Variants in ADAMTS3 observed in about 807,000 individuals in gnomAD.
ADAMTS3 encodes A disintegrin and metalloproteinase with thrombospondin motifs 3.
Under a neutral mutation model 129.0 loss-of-function variants are expected in ADAMTS3, and 73 were observed. The ratio of observed to expected loss-of-function variants is 0.57; its 90% CI spans 0.47 to 0.69. The LOEUF (loss-of-function observed/expected upper bound fraction) is 0.69, where lower values mean the gene tolerates loss of function less well. ADAMTS3 is among the 30% of genes least tolerant of loss of function. The pLI is 0.00. For synonymous variants in ADAMTS3, 477 were observed against 510.8 expected (o/e 0.93, Z 0.89); for missense variants, 1,457 against 1,514.5 (o/e 0.96, Z 0.63).
At chr4:72,347,060 C>T (rs971246140) in intron 4 of ADAMTS3, among the ~76,000 whole-genome samples, 2 of 152,034 alleles carry the variant, frequency 1.3e-5, no homozygotes, top group African/African-American at 4.8e-5. Flanking sequence ...AAGCTGGAAA[C>T]TGGAGGAATA....
chr4:72,466,381 T>G (rs1292713288), intron 3 of ADAMTS3, among the ~76,000 whole-genome samples: 1 of 152,082 alleles, frequency 6.6e-6, no homozygotes, highest in African/African-American at 2.4e-5. Flanking sequence ...TGGATAGTTC[T>G]GAGCAGAAAA....
At chr4:72,438,118 C>T (rs1275081621) in intron 3 of ADAMTS3, among the ~76,000 whole-genome samples, 1 of 151,584 alleles carries the variant, frequency 6.6e-6, no homozygotes, top group African/African-American at 2.4e-5. Context: ...AATTAGGGCA[C>T]AGGGAAAGCA....
intron 4 of ADAMTS3, among the ~76,000 whole-genome samples, chr4:72,372,317 A>G (rs1013129026): frequency 2.6e-5 from 4 of 152,158 alleles, no homozygotes; most frequent in African/African-American, 7.2e-5. Flanking sequence ...TGGGAAGAAT[A>G]ATACTATATT....
intron 4 of ADAMTS3, among the ~76,000 whole-genome samples, chr4:72,357,490 T>C (rs1376447490): frequency 5.3e-5 from 8 of 151,882 alleles, no homozygotes; most frequent in African/African-American, 1.9e-4. Flanking sequence ...CTCATAGATA[T>C]AATGTTAAGT....
intron 3 of ADAMTS3, among the ~76,000 whole-genome samples, chr4:72,425,551 T>C (rs1271520314): frequency 6.6e-6 from 1 of 152,190 alleles, no homozygotes; most frequent in Non-Finnish European, 1.5e-5. Flanking sequence ...GTTCTCATTG[T>C]TCAATTCCCA....
At chr4:72,464,947 C>T (rs999639584) in intron 3 of ADAMTS3, among the ~76,000 whole-genome samples, 1 of 152,006 alleles carries the variant, frequency 6.6e-6, no homozygotes, top group Admixed American at 6.6e-5. Flanking sequence ...ATCCTCTGAG[C>T]ATTGGGCTTC....
At chr4:72,482,078 T>A (rs749806379) in intron 3 of ADAMTS3, among the ~76,000 whole-genome samples, 14 of 152,098 alleles carry the variant, frequency 9.2e-5, no homozygotes, top group Non-Finnish European at 1.9e-4. Context: ...ACAACCACTC[T>A]GCATTAACAG....
intron 3 of ADAMTS3, among the ~76,000 whole-genome samples, chr4:72,436,713 G>T (rs1205665837): frequency 6.6e-6 from 1 of 152,002 alleles, no homozygotes; most frequent in Non-Finnish European, 1.5e-5. Context: ...ATAGGGACAT[G>T]GATAAAGCTA....
intron 4 of ADAMTS3, among the ~76,000 whole-genome samples, chr4:72,389,419 G>A (rs1256094482): frequency 6.6e-6 from 1 of 151,362 alleles, no homozygotes. Context: ...AACAAACATG[G>A]AAAAATATTG....
chr4:72,513,294 C>A (rs560020506), intron 3 of ADAMTS3, among the ~76,000 whole-genome samples: 1 of 152,286 alleles, frequency 6.6e-6, no homozygotes, highest in South Asian at 2.1e-4. Flanking sequence ...TACACACACT[C>A]CTTTCTTCCC....
At chr4:72,530,467 A>G (rs1720984923) in intron 3 of ADAMTS3, among the ~76,000 whole-genome samples, 1 of 26,308 alleles carries the variant, frequency 3.8e-5, no homozygotes, top group Non-Finnish European at 6.1e-5. Flanking sequence ...TATTAAATAT[A>G]TTAATTTAAT....
At chr4:72,394,633 C>A (rs1396394193) in intron 4 of ADAMTS3, among the ~76,000 whole-genome samples, 1 of 152,118 alleles carries the variant, frequency 6.6e-6, no homozygotes, top group African/African-American at 2.4e-5. Context: ...AGTATTCTAC[C>A]GATTGAGGGG....
Position 72,568,771 on chromosome 4 carries a change from G to C in ADAMTS3, c.-9C>G. The stretch of plus-strand genomic sequence containing the variant: ...AGTGACAGGAGAACCATCACGAGTC[G>C]AGTTCACTTTCCAACTACTGGGCAA... On this transcript the variant is annotated 5_prime_UTR_variant, in exon 1 of 22. Transcript: ENST00000286657. 6.2e-7 allele frequency: 1 copy of C among 1,612,438 alleles called. No homozygotes were observed. The highest frequency in any genetic ancestry group is 8.5e-7 in the Non-Finnish European group (1 of 1,179,264).
intron 4 of ADAMTS3, among the ~76,000 whole-genome samples, chr4:72,360,263 C>G (rs1233482349): frequency 6.6e-6 from 1 of 152,000 alleles, no homozygotes; most frequent in Non-Finnish European, 1.5e-5. Flanking sequence ...TGTGACCTGA[C>G]AGGGGCAGTG....
chr4:72,345,465 C>T (rs1257787345), intron 4 of ADAMTS3, among the ~76,000 whole-genome samples: 2 of 152,200 alleles, frequency 1.3e-5, no homozygotes, highest in East Asian at 3.9e-4. Context: ...GATACAGTAA[C>T]AGCATCTCCA....
intron 4 of ADAMTS3, among the ~76,000 whole-genome samples, chr4:72,358,710 GA>G (rs1301625828): frequency 5.4e-4 from 82 of 151,896 alleles, no homozygotes; most frequent in Non-Finnish European, 4.4e-5. Flanking sequence ...ATCAAAGAAG[GA>G]AAGTAGCTAA....
At chr4:72,429,348 C>A (rs985304677) in intron 3 of ADAMTS3, among the ~76,000 whole-genome samples, 5 of 151,974 alleles carry the variant, frequency 3.3e-5, no homozygotes, top group Admixed American at 6.6e-5. Flanking sequence ...TAGAATAACT[C>A]AAGGTGTCTT....
At chr4:72,375,847 G>A (rs1721120892) in intron 4 of ADAMTS3, among the ~76,000 whole-genome samples, 1 of 152,096 alleles carries the variant, frequency 6.6e-6, no homozygotes, top group African/African-American at 2.4e-5. Context: ...TTTGCTAGGA[G>A]TCTCTCTTAT....
Position 72,416,615 on chromosome 4 carries a change from T to C in ADAMTS3, c.505-1644A>G, listed in dbSNP as rs117677466. On this transcript the variant is annotated intron_variant, in intron 3 of 21. Coordinates refer to ENST00000286657, the MANE Select transcript of ADAMTS3 (RefSeq NM_014243.3). Reference sequence around the variant, plus strand: ...TTTCCTTATCTGACTAATTACTTTATACTTAGTCATGTACTATGAAATGCA... The same window carrying C: ...TTTCCTTATCTGACTAATTACTTTACACTTAGTCATGTACTATGAAATGCA... Among the ~76,000 whole-genome samples the C allele has an allele frequency of 3.7e-4, 57 of 152,300 alleles. 1 individual carries two copies. The East Asian group carries it at 0.01, about 27-fold the overall frequency.
Sources: gnomAD v4.1 joint callset for allele counts (sites outside exome capture counted in the v4.1 genomes callset) on GRCh38, gnomAD v4.1.1 for gene constraint, MANE v1.5 for transcripts, NCBI Gene and HGNC (gene_info 2026-07-23, HGNC 2026-07-21) for gene names.